The following TSPAN4 variants were observed in gnomAD, a reference collection of about 807,000 sequenced individuals.
TSPAN4 encodes the protein tetraspanin-4.
Under a neutral mutation model 31.5 loss-of-function variants are expected in TSPAN4, and 38 were observed. That is an observed-to-expected ratio of 1.21 (90% CI 0.93 to 1.58). The LOEUF (loss-of-function observed/expected upper bound fraction) is 1.58. Among genes scored for constraint, TSPAN4 ranks in the 40% most tolerant of loss-of-function variants. The pLI is 0.00. For missense variants in TSPAN4, 330 were observed against 317.3 expected (o/e 1.04, Z -0.30); for synonymous variants, 186 against 144.6 (o/e 1.29, Z -2.06).
In TSPAN4 at chr11:866,653, G is replaced by T; in HGVS notation, c.*23G>T. 2 of 1,606,342 alleles carry T rather than the reference G, an allele frequency of 1.2e-6. No homozygotes were observed. The highest frequency in any genetic ancestry group is 8.5e-7 in the Non-Finnish European group (1 of 1,176,896). ...TAGGCCGCCCACCGCCCGCTTCTCT[G>T]CCAAAAGGACGCCCACGGGGAGATG... On this transcript the variant is annotated 3_prime_UTR_variant, in exon 9 of 9. Transcript: ENST00000397397.
intron 1 of TSPAN4, among the ~76,000 whole-genome samples, chr11:846,279 T>C (rs1847319438): frequency 6.6e-6 from 1 of 152,224 alleles, no homozygotes; most frequent in Non-Finnish European, 1.5e-5. Context: ...TGCTTTATCA[T>C]GTGGGCAGGC....
intron 2 of TSPAN4, among the ~76,000 whole-genome samples, chr11:849,302 T>A (rs1289150688): frequency 1.3e-5 from 2 of 152,086 alleles, no homozygotes; most frequent in Non-Finnish European, 2.9e-5. Context: ...CAACGACACC[T>A]GCTCCATGCA....
chr11:853,145 A>G lies in TSPAN4; in HGVS notation c.63+2778A>G, dbSNP rs1013458089. Among the ~76,000 whole-genome samples, 14 of 152,000 alleles carry G rather than the reference A, an allele frequency of 9.2e-5. 1 individual carries two copies. The highest frequency in any genetic ancestry group is 2.9e-5 in the Non-Finnish European group (2 of 67,974). On this transcript the variant is annotated intron_variant, in intron 3 of 8. Coordinates refer to ENST00000397397, the MANE Select transcript of TSPAN4 (RefSeq NM_003271.5). Reference sequence around the variant, plus strand: ...GTTGGGGGGCTGGGAGTGGGGTCCCATGCCTGGCTCGTGTGCGGTGGTCAG... The same window carrying G: ...GTTGGGGGGCTGGGAGTGGGGTCCCGTGCCTGGCTCGTGTGCGGTGGTCAG...
intron 1 of TSPAN4, among the ~76,000 whole-genome samples, chr11:845,902 CTCTG>C (rs1186414626): frequency 1.3e-5 from 2 of 152,104 alleles, no homozygotes; most frequent in African/African-American, 4.8e-5. Flanking sequence ...CCCACCCAGA[CTCTG>C]TATGTAGCCC....
intron 3 of TSPAN4, among the ~76,000 whole-genome samples, chr11:851,949 C>A (rs1415324423): frequency 6.8e-6 from 1 of 147,414 alleles, no homozygotes; most frequent in Non-Finnish European, 1.5e-5. Flanking sequence ...TCTCTCTGCT[C>A]TGAGAGCAGC....
chr11:865,690 C>A lies in TSPAN4; in HGVS notation c.433-4C>A. 1.2e-6 allele frequency: 2 copies of A among 1,613,268 alleles called. No individual in the cohort carries two copies. The highest frequency in any genetic ancestry group is 1.7e-6 in the Non-Finnish European group (2 of 1,179,916). ...CCTCAGCCCGACCTGAGCTTGCCCC[C>A]CAGTTCCGCTGCTGTGGCGTCTCCA... is the stretch of plus-strand genomic sequence containing the variant. On this transcript the variant is annotated splice_region_variant and splice_polypyrimidine_tract_variant and intron_variant, in intron 6 of 8. Coordinates refer to ENST00000397397, the MANE Select transcript of TSPAN4 (RefSeq NM_003271.5).
intron 4 of TSPAN4, chr11:863,425 G>A (rs1323317189): frequency 2.0e-5 from 3 of 152,262 alleles, no homozygotes; most frequent in Non-Finnish European, 4.4e-5. Flanking sequence ...GGATGGGTTG[G>A]GGCCTCCCTT....
chr11:849,634 G>A (rs1315514801), intron 2 of TSPAN4, among the ~76,000 whole-genome samples: 4 of 151,984 alleles, frequency 2.6e-5, no homozygotes, highest in Admixed American at 6.5e-5. Flanking sequence ...GCGAAGGTGG[G>A]GGGGCTGGGG....
At chr11:860,414 C>T (rs1170462840) in intron 3 of TSPAN4, among the ~76,000 whole-genome samples, 4 of 152,240 alleles carry the variant, frequency 2.6e-5, no homozygotes, top group African/African-American at 9.6e-5. Flanking sequence ...TGGCGGCCTC[C>T]AACCTCCAGC....
chr11:845,402 G>GTC (rs1565126747), intron 1 of TSPAN4, among the ~76,000 whole-genome samples: 1 of 152,052 alleles, frequency 6.6e-6, no homozygotes, highest in South Asian at 2.1e-4. Context: ...CCTCTCTACG[G>GTC]TCCTGGGAGA....
At chr11:844,766 G>A (rs1048197425) in intron 1 of TSPAN4, among the ~76,000 whole-genome samples, 2 of 152,008 alleles carry the variant, frequency 1.3e-5, no homozygotes, top group South Asian at 2.1e-4. Flanking sequence ...AGAAGGGGGC[G>A]TTGTGGAGCC....
chr11:853,146 T>C (rs1045008933), intron 3 of TSPAN4, among the ~76,000 whole-genome samples: 10 of 152,044 alleles, frequency 6.6e-5, no homozygotes, highest in African/African-American at 2.2e-4. Flanking sequence ...TGGGGTCCCA[T>C]GCCTGGCTCG....
chr11:861,200 C>T (rs1007060940), intron 3 of TSPAN4, among the ~76,000 whole-genome samples: 1 of 152,222 alleles, frequency 6.6e-6, no homozygotes, highest in Non-Finnish European at 1.5e-5. Context: ...AGAACAAGCA[C>T]TTAGGAAACA....
intron 8 of TSPAN4, 149 bp from the exon 9 acceptor site, chr11:866,412 GC>G: frequency 2.9e-6 from 2 of 686,752 alleles, no homozygotes. Context: ...GGGCGTGCAA[GC>G]CACCAGGAAG....
chr11:846,553 T>C (rs1194519401), intron 1 of TSPAN4, among the ~76,000 whole-genome samples: 6 of 152,174 alleles, frequency 3.9e-5, no homozygotes, highest in Non-Finnish European at 5.9e-5. Flanking sequence ...GCACTGCGTT[T>C]GGCTGCCCAG....
Position 850,275 on chromosome 11 carries a change from A to G in TSPAN4, c.-17-13A>G, listed in dbSNP as rs768748986. On this transcript the variant is annotated splice_polypyrimidine_tract_variant and intron_variant, in intron 2 of 8. Transcript: ENST00000397397. ...GGTTTTCTACCTGGACCTCTCCTTC[A>G]TCTTCCTCCTAGAACTGAAGCGCTG... The G allele has an allele frequency of 1.2e-5, 20 of 1,600,268 alleles. No individual in the cohort carries two copies. The highest frequency in any genetic ancestry group is 1.6e-5 in the Non-Finnish European group (19 of 1,173,976).
At chr11:850,083 G>A (rs1293344487) in intron 2 of TSPAN4, 2 of 423,968 alleles carry the variant, frequency 4.7e-6, no homozygotes, top group Non-Finnish European at 8.4e-6. Flanking sequence ...CTCTCCGGAG[G>A]GCAAGGAGCC....
At chr11:853,884 C>A (rs1847893504) in intron 3 of TSPAN4, among the ~76,000 whole-genome samples, 1 of 152,210 alleles carries the variant, frequency 6.6e-6, no homozygotes, top group Non-Finnish European at 1.5e-5. Flanking sequence ...GAGCCTCATT[C>A]CGGGGGAGGC....
chr11:865,364 C>T (rs1230965981), intron 5 of TSPAN4, 149 bp from the exon 6 acceptor site: 86 of 639,478 alleles, frequency 1.3e-4, no homozygotes, highest in Non-Finnish European at 1.9e-4. Context: ...GACATGGGGC[C>T]GGTGTGTCTG....
Sources: allele counts gnomAD v4.1 joint callset (sites outside exome capture counted in the v4.1 genomes callset), GRCh38; gene constraint gnomAD v4.1.1; transcripts MANE v1.5; gene names NCBI Gene and HGNC (gene_info 2026-07-23, HGNC 2026-07-21).